MICAL2: variants seen among roughly 807,000 people sequenced by gnomAD.
The protein encoded by MICAL2 is [F-actin]-monooxygenase MICAL2.
A neutral mutation model predicts 127.3 loss-of-function variants in MICAL2; 77 were observed. That is an observed-to-expected ratio of 0.60 (90% CI 0.50 to 0.73). The LOEUF (loss-of-function observed/expected upper bound fraction) is 0.73, where lower values mean the gene tolerates loss of function less well. Among genes scored for constraint, MICAL2 ranks in the 30% least tolerant of loss-of-function variants. The pLI, the probability that MICAL2 is intolerant of heterozygous loss-of-function variation, is 0.00. For missense variants in MICAL2, 1,351 were observed against 1,434.4 expected, an observed-to-expected ratio of 0.94 and a Z score of 0.94; for synonymous variants, 570 against 551.1, an observed-to-expected ratio of 1.03 and a Z score of -0.48.
At chr11:12,305,111 T>C (rs1197158773) in intron 29 of MICAL2, among the ~76,000 whole-genome samples, 1 of 152,172 alleles carries the variant, frequency 6.6e-6, no homozygotes, top group Non-Finnish European at 1.5e-5. Context: ...ACTGTATTAG[T>C]GCATTCTCAC....
At chr11:12,134,042 G>A (rs976161196) in intron 1 of MICAL2, among the ~76,000 whole-genome samples, 2 of 152,194 alleles carry the variant, frequency 1.3e-5, no homozygotes, top group Non-Finnish European at 2.9e-5. Flanking sequence ...CAGGCATGAG[G>A]CACTAGTGGC....
intron 1 of MICAL2, among the ~76,000 whole-genome samples, chr11:12,137,313 A>G (rs1365601894): frequency 1.3e-5 from 2 of 152,078 alleles, no homozygotes; most frequent in Non-Finnish European, 2.9e-5. Context: ...GATGTCCAGT[A>G]CACCTTTCCC....
At chr11:12,293,481 G>A (rs1192964070), downstream of MICAL2, 3 of 1,483,878 alleles carry the variant, frequency 2.0e-6, no homozygotes, top group East Asian at 4.6e-5. Context: ...GGAGGGGGTT[G>A]TAGATTGAGA....
chr11:12,287,125 C>T, exon 3 of MICAL2: 1 of 399,010 alleles, frequency 2.5e-6, no homozygotes, highest in Non-Finnish European at 4.4e-6. Context: ...GTCTCCAACC[C>T]CAAGCAAATA....
At chr11:12,305,732 T>C (rs527895992) in intron 29 of MICAL2, among the ~76,000 whole-genome samples, 5 of 152,334 alleles carry the variant, frequency 3.3e-5, no homozygotes, top group Admixed American at 3.3e-4. Context: ...CATGGGGTAC[T>C]ACTGTAGCGA....
chr11:12,324,718 C>T (rs1161020564), intron 31 of MICAL2, among the ~76,000 whole-genome samples: 1 of 152,008 alleles, frequency 6.6e-6, no homozygotes, highest in Non-Finnish European at 1.5e-5. Context: ...TCCAGTATAC[C>T]CTCACATCCC....
intron 1 of MICAL2, among the ~76,000 whole-genome samples, chr11:12,111,863 A>G (rs1849634776): frequency 1.3e-5 from 2 of 152,176 alleles, no homozygotes; most frequent in East Asian, 1.9e-4. Context: ...CCCCAGTGGC[A>G]GTCGACCCAA....
chr11:12,247,723 A>G (rs146731955), intron 21 of MICAL2, among the ~76,000 whole-genome samples: 66 of 152,352 alleles, frequency 4.3e-4, no homozygotes, highest in African/African-American at 1.4e-3. Context: ...AATTTGGCAG[A>G]ATCACAACCA....
At chr11:12,294,046 A>G (rs1863939893), downstream of MICAL2, 2 of 1,614,130 alleles carry the variant, frequency 1.2e-6, no homozygotes, top group Non-Finnish European at 8.5e-7. Context: ...TGCACCTCAA[A>G]GCTGGGGAGC....
At chr11:12,221,149 C>A (rs1856772058) in intron 9 of MICAL2, among the ~76,000 whole-genome samples, 1 of 152,150 alleles carries the variant, frequency 6.6e-6, no homozygotes, top group South Asian at 2.1e-4. Flanking sequence ...AGTTCCCATC[C>A]TGCTTCTGGC....
At chr11:12,172,606 G>A (rs74485487) in intron 3 of MICAL2, among the ~76,000 whole-genome samples, 2,023 of 152,166 alleles carry the variant, frequency 0.013, 57 homozygotes, top group African/African-American at 0.047. Context: ...GTAAAAGCAG[G>A]GTTCTTGTCA....
chr11:12,290,774 C>T (rs1262077464), downstream of MICAL2, among the ~76,000 whole-genome samples: 1 of 152,176 alleles, frequency 6.6e-6, no homozygotes, highest in Non-Finnish European at 1.5e-5. Context: ...GCCATCTGTT[C>T]AGAGCCCACG....
chr11:12,317,907 C>T (rs1001697688), intron 29 of MICAL2, among the ~76,000 whole-genome samples: 3 of 152,116 alleles, frequency 2.0e-5, no homozygotes, highest in African/African-American at 4.8e-5. Context: ...AATGCCTTAT[C>T]TTTGGAAGCA....
intron 1 of MICAL2, among the ~76,000 whole-genome samples, chr11:12,126,858 C>T (rs185545104): frequency 1.3e-3 from 193 of 152,132 alleles, no homozygotes; most frequent in Non-Finnish European, 2.0e-3. Context: ...CTAGGGAGGG[C>T]CTGGAAAGCT....
At chr11:12,294,616 A>G, downstream of MICAL2, 1 of 1,614,174 alleles carries the variant, frequency 6.2e-7, no homozygotes, top group Non-Finnish European at 8.5e-7. Context: ...AAAGAATCTC[A>G]CTTTTTTCCT....
chr11:12,244,190 A>C, intron 21 of MICAL2, 78 bp downstream of exon 21: 2 of 1,561,188 alleles, frequency 1.3e-6, no homozygotes, highest in Non-Finnish European at 1.8e-6. Flanking sequence ...GACCTGCACA[A>C]ACATCTTGAG....
chr11:12,225,083 C>T lies in MICAL2; in HGVS notation c.1688+263C>T, dbSNP rs187477247. 1.2e-4 allele frequency among the ~76,000 whole-genome samples: 18 copies of T among 144,240 alleles called. No individual in the cohort carries two copies. In the South Asian group the frequency reaches 2.6e-3, roughly 21 times the overall value. The allele number at this position is 144,240 out of a possible 152,430, so 94.6% of individuals were successfully genotyped here. On this transcript the variant is annotated intron_variant, in intron 13 of 27. Transcript: ENST00000683283. ...CTCACCCCCCACTACCCTTCCCCCCCGAGCCCCATCACCACACTCTTTGGA... is the reference window on the plus strand; with the variant it reads ...CTCACCCCCCACTACCCTTCCCCCCTGAGCCCCATCACCACACTCTTTGGA...
intron 4 of MICAL2, among the ~76,000 whole-genome samples, chr11:12,206,154 C>T (rs1304693674): frequency 2.0e-5 from 3 of 152,090 alleles, no homozygotes; most frequent in African/African-American, 7.2e-5. Flanking sequence ...GAATGTATGT[C>T]GGTTACCAAT....
downstream of MICAL2, among the ~76,000 whole-genome samples, chr11:12,293,239 A>G (rs937160234): frequency 1.3e-5 from 2 of 152,060 alleles, no homozygotes; most frequent in South Asian, 2.1e-4. Context: ...CAGTCCTACC[A>G]TCATGGGCCC....
Sources: allele counts gnomAD v4.1 joint callset (sites outside exome capture counted in the v4.1 genomes callset), GRCh38; gene constraint gnomAD v4.1.1; transcripts MANE v1.5; gene names NCBI Gene and HGNC (gene_info 2026-07-23, HGNC 2026-07-21).